Variants in ZSWIM3 observed in about 807,000 individuals in gnomAD.
ZSWIM3 encodes zinc finger SWIM-type containing 3.
Under a neutral mutation model 47.5 loss-of-function variants are expected in ZSWIM3, and 27 were observed. The ratio of observed to expected loss-of-function variants is 0.57; its 90% CI spans 0.42 to 0.78. The LOEUF (loss-of-function observed/expected upper bound fraction) is 0.78. Among genes scored for constraint, ZSWIM3 ranks in the 30% least tolerant of loss-of-function variants. ZSWIM3 has a pLI of 0.00. For synonymous variants in ZSWIM3, 333 were observed against 333.9 expected (o/e 1.00, Z 0.03); for missense variants, 689 against 861.3 (o/e 0.80, Z 2.50).
Position 45,857,867 on chromosome 20 carries a change from G to A in ZSWIM3, c.42G>A (p.Lys14=). The part of the protein sequence containing the change: ...GSCFKTYEDF[K]ECFSAYKREN... ...GCTTCAAGACCTATGAGGACTTCAA[G>A]GAGTGCTTCAGCGCCTACAAAAGGG... The change falls in exon 1 of 2, where the codon AAG becomes AAA. Residue 14 remains lysine, a synonymous_variant. Transcript: ENST00000255152. 1 of 1,614,136 alleles carries A rather than the reference G, an allele frequency of 6.2e-7. No individual in the cohort carries two copies. Among genetic ancestry groups the A allele is most frequent in the Non-Finnish European group, 8.5e-7 (1 of 1,180,000 alleles).
rs763973661 is a variant in ZSWIM3 at position 45,877,989 on chromosome 20, GCAGGTA to G, written c.1441_1446del (p.Val481_Gln482del). ...CAGAAGAGACCAAGCCAGACGCACA[GCAGGTA>G]CAGGTACAGCAGCAGTCACAAGTGC... On this transcript the variant is annotated inframe_deletion, in exon 2 of 2. Transcript: ENST00000255152. 93 of 1,614,064 alleles carry G rather than the reference GCAGGTA, an allele frequency of 5.8e-5. No individual in the cohort carries two copies. The highest frequency in any genetic ancestry group is 7.6e-5 in the Non-Finnish European group (90 of 1,180,054).
intron 1 of ZSWIM3, among the ~76,000 whole-genome samples, chr20:45,873,005 C>T (rs1208046408): frequency 3.9e-5 from 6 of 152,082 alleles, no homozygotes; most frequent in African/African-American, 1.4e-4. Flanking sequence ...GATTTTTTTC[C>T]CTTCCCCTGG....
At position 45,876,713 on chromosome 20, in the gene ZSWIM3, G is replaced by A; in HGVS notation, c.156-1G>A. The A allele has an allele frequency of 6.2e-7, 1 of 1,609,202 alleles. No individual in the cohort carries two copies. Among genetic ancestry groups the A allele is most frequent in the Non-Finnish European group, 8.5e-7 (1 of 1,177,252 alleles). On this transcript the variant is annotated splice_acceptor_variant, in intron 1 of 1. Coordinates refer to ENST00000255152, the MANE Select transcript of ZSWIM3 (RefSeq NM_080752.4). LOFTEE classifies it high-confidence loss of function. ...CTCATTGTTACCTCTACCTTCCCTAGGTATGTGCAGGTGAAATTTGTCTGC... is the reference window on the plus strand; with the variant it reads ...CTCATTGTTACCTCTACCTTCCCTAAGTATGTGCAGGTGAAATTTGTCTGC...
Position 45,878,302 on chromosome 20 carries a change from C to T in ZSWIM3, c.1744C>T (p.Arg582Cys), listed in dbSNP as rs751527870. 28 of 1,614,066 alleles carry T rather than the reference C, an allele frequency of 1.7e-5. No homozygotes were observed. Among genetic ancestry groups the T allele is most frequent in the Admixed American group, 6.7e-5 (4 of 60,008 alleles). Reference sequence around the variant, plus strand: ...GCCGGTTGGTGAAGCCATGGTGTGCCGCCGGTGGCAGAAGAAGTACCAGTA... The same window carrying T: ...GCCGGTTGGTGAAGCCATGGTGTGCTGCCGGTGGCAGAAGAAGTACCAGTA... ...QQPVGEAMVC[R>C]RWQKKYQYLL... is the part of the protein sequence containing the mutation. The change falls in exon 2 of 2, where the codon CGC becomes TGC. Residue 582 changes from arginine (R) to cysteine (C), a missense_variant. Coordinates refer to ENST00000255152, the MANE Select transcript of ZSWIM3 (RefSeq NM_080752.4).
At chr20:45,865,915 C>G (rs1985828174) in intron 1 of ZSWIM3, among the ~76,000 whole-genome samples, 1 of 150,522 alleles carries the variant, frequency 6.6e-6, no homozygotes, top group Non-Finnish European at 1.5e-5. Context: ...ATTGCTGGAA[C>G]CTGGGAGGCA....
Position 45,876,829 on chromosome 20 carries a change from C to CT in ZSWIM3, c.272dup (p.Phe92IlefsTer4). On this transcript the variant is annotated frameshift_variant, in exon 2 of 2. Coordinates refer to ENST00000255152, the MANE Select transcript of ZSWIM3 (RefSeq NM_080752.4). LOFTEE classifies it high-confidence loss of function. The stretch of plus-strand genomic sequence containing the variant: ...AAGGTACAACGAGAGACTAGATAGA[C>CT]TATTTATCAGTGAACTAAACACACA... 6.2e-7 allele frequency: 1 copy of CT among 1,614,160 alleles called. No homozygotes were observed. The highest frequency in any genetic ancestry group is 8.5e-7 in the Non-Finnish European group (1 of 1,180,038).
At chr20:45,875,097 G>A (rs567969326) in intron 1 of ZSWIM3, among the ~76,000 whole-genome samples, 45 of 139,890 alleles carry the variant, frequency 3.2e-4, no homozygotes, top group Middle Eastern at 4.2e-3. Flanking sequence ...GGAGTGCGGT[G>A]GCGCCATCTT....
intron 1 of ZSWIM3, chr20:45,872,691 G>A (rs750076306): frequency 2.3e-6 from 3 of 1,282,336 alleles, no homozygotes; most frequent in South Asian, 2.5e-5. Context: ...ACAAGGTGAT[G>A]AAAACAAGGC....
At chr20:45,865,604 T>C (rs1601112491) in intron 1 of ZSWIM3, among the ~76,000 whole-genome samples, 1 of 152,254 alleles carries the variant, frequency 6.6e-6, no homozygotes, top group Middle Eastern at 3.4e-3. Context: ...GGAAGAGCTC[T>C]GGAGTGAAAG....
intron 1 of ZSWIM3, among the ~76,000 whole-genome samples, chr20:45,864,867 A>G (rs1316866091): frequency 6.6e-6 from 1 of 151,428 alleles, no homozygotes; most frequent in Non-Finnish European, 1.5e-5. Flanking sequence ...TCTCAAAAAA[A>G]TTTTTGAAAA....
At position 45,877,275 on chromosome 20, in the gene ZSWIM3, G is replaced by A. The variant is rs759825455; in HGVS notation, c.717G>A (p.Val239=). ...TQGHILYAFL[V]ENKERESRVV... is the part of the protein sequence containing the mutation. ...GCCACATCCTCTATGCTTTCTTGGT[G>A]GAGAACAAGGAACGAGAAAGTCGAG... The change falls in exon 2 of 2, where the codon GTG becomes GTA. Residue 239 remains valine (V), a synonymous_variant. Coordinates refer to ENST00000255152, the MANE Select transcript of ZSWIM3 (RefSeq NM_080752.4). The A allele has an allele frequency of 6.2e-7, 1 of 1,614,130 alleles. No homozygotes were observed. The highest frequency in any genetic ancestry group is 8.5e-7 in the Non-Finnish European group (1 of 1,180,030).
rs755724943 is a variant in ZSWIM3 at position 45,877,573 on chromosome 20, G to A, written c.1015G>A (p.Val339Met). 2.3e-5 allele frequency: 37 copies of A among 1,614,084 alleles called. No homozygotes were observed. The highest frequency in any genetic ancestry group is 3.3e-5 in the Admixed American group (2 of 60,000). ...RLMKEALREA[V>M]FVTSEASLKN... ...CATGAAGGAAGCCCTGCGGGAGGCCGTGTTTGTCACTTCTGAAGCCAGCCT... is the reference window on the plus strand; with the variant it reads ...CATGAAGGAAGCCCTGCGGGAGGCCATGTTTGTCACTTCTGAAGCCAGCCT... The change falls in exon 2 of 2, where the codon GTG becomes ATG. Residue 339 changes from valine (V) to methionine (M), a missense_variant. Transcript: ENST00000255152.
At chr20:45,874,748 C>T (rs983187699) in intron 1 of ZSWIM3, among the ~76,000 whole-genome samples, 4 of 152,134 alleles carry the variant, frequency 2.6e-5, no homozygotes, top group African/African-American at 9.7e-5. Context: ...GCTGCTGCTG[C>T]TTGTCTATTT....
intron 1 of ZSWIM3, 60 bp from the exon 2 acceptor site, chr20:45,876,654 T>G (rs538603100): frequency 1.9e-5 from 30 of 1,555,528 alleles, no homozygotes; most frequent in Middle Eastern, 2.2e-4. Context: ...CAGGGTCTTA[T>G]CTTTATAAGG....
At chr20:45,866,932 C>G (rs1354042289) in intron 1 of ZSWIM3, among the ~76,000 whole-genome samples, 2 of 150,938 alleles carry the variant, frequency 1.3e-5, no homozygotes, top group African/African-American at 4.9e-5. Flanking sequence ...GTCAAAGATA[C>G]GTGCTCTGGG....
chr20:45,858,007 C>G, intron 1 of ZSWIM3, 27 bp downstream of exon 1: 1 of 711,742 alleles, frequency 1.4e-6, no homozygotes, highest in Non-Finnish European at 2.4e-6. Flanking sequence ...CGGGGCGGGC[C>G]AAGAGGGTGG....
At chr20:45,876,633 C>A in intron 1 of ZSWIM3, 81 bp from the exon 2 acceptor site, 4 of 1,526,060 alleles carry the variant, frequency 2.6e-6, no homozygotes, top group Non-Finnish European at 3.5e-6. Flanking sequence ...GCCACTGTAC[C>A]CAGCCCCCTT....
rs1284619650 is a variant in ZSWIM3, at chr20:45,877,999, G to C, written c.1441G>C (p.Val481Leu). Residue 481 changes from valine (V) to leucine (L), a missense_variant, in exon 2 of 2, where the codon GTA (valine) becomes CTA (leucine). Transcript: ENST00000255152. ...ETKPDAQQVQ[V>L]QQQSQVPPSQ... ...CAAGCCAGACGCACAGCAGGTACAG[G>C]TACAGCAGCAGTCACAAGTGCCGCC... 8 of 1,614,114 alleles carry C rather than the reference G, an allele frequency of 5.0e-6. No homozygotes were observed. The highest frequency in any genetic ancestry group is 5.9e-6 in the Non-Finnish European group (7 of 1,180,028).
At chr20:45,868,976 A>AT (rs1985906778) in intron 1 of ZSWIM3, among the ~76,000 whole-genome samples, 1 of 149,872 alleles carries the variant, frequency 6.7e-6, no homozygotes, top group Non-Finnish European at 1.5e-5. Flanking sequence ...TAATTTTTGT[A>AT]TTTTTAGTAG....
Sources: gnomAD v4.1 joint callset for allele counts (sites outside exome capture counted in the v4.1 genomes callset) on GRCh38, gnomAD v4.1.1 for gene constraint, MANE v1.5 for transcripts, NCBI Gene and HGNC (gene_info 2026-07-23, HGNC 2026-07-21) for gene names.